STAG2: variants seen among roughly 807,000 people sequenced by gnomAD.
STAG2 encodes the protein STAG2 cohesin complex component, also known as cohesin subunit SA-2.
A neutral mutation model predicts 108.1 loss-of-function variants in STAG2; 14 were observed. The observed-to-expected ratio is 0.13, with a 90% CI of 0.09 to 0.20. The LOEUF (loss-of-function observed/expected upper bound fraction) is 0.20. STAG2 is among the 10% of genes least tolerant of loss of function. The probability of loss-of-function intolerance (pLI) is 1.00; values close to 1 mark genes in which losing one functional copy is unlikely to be tolerated. For synonymous variants in STAG2, 307 were observed against 302.7 expected (o/e 1.01, Z -0.15); for missense variants, 440 against 940.9 (o/e 0.47, Z 6.96).
intron 5 of STAG2, among the ~76,000 whole-genome samples, chrX:124,032,737 C>G (rs753676926): frequency 1.3e-4 from 15 of 112,194 alleles, no homozygotes; most frequent in Non-Finnish European, 2.3e-4. Flanking sequence ...GCCTCCAACT[C>G]TACCCATGTT....
intron 1 of STAG2, among the ~76,000 whole-genome samples, chrX:123,984,284 A>G (rs1569493293): frequency 9.0e-6 from 1 of 111,338 alleles, no homozygotes; most frequent in Non-Finnish European, 1.9e-5. Context: ...GGCCAAAAGA[A>G]TAATTTTCAA....
chrX:123,978,807 A>G (rs1439592306), intron 1 of STAG2, among the ~76,000 whole-genome samples: 2 of 111,877 alleles, frequency 1.8e-5, no homozygotes, highest in Non-Finnish European at 3.8e-5. Context: ...TCCCAAATCC[A>G]AACAATATTA....
intron 20 of STAG2, among the ~76,000 whole-genome samples, chrX:124,065,595 A>G (rs1189638338): frequency 9.0e-6 from 1 of 111,663 alleles, no homozygotes; most frequent in East Asian, 2.8e-4. Flanking sequence ...ATTACTGTGA[A>G]AAAATAGATG....
At chrX:124,074,075 C>CT (rs1047104801) in intron 25 of STAG2, among the ~76,000 whole-genome samples, 3 of 111,566 alleles carry the variant, frequency 2.7e-5, no homozygotes, top group Non-Finnish European at 5.7e-5. Flanking sequence ...TGCAATTTAC[C>CT]TTTTTTCTTC....
intron 1 of STAG2, among the ~76,000 whole-genome samples, chrX:124,001,864 T>A (rs757683217): frequency 9.0e-6 from 1 of 111,641 alleles, no homozygotes; most frequent in African/African-American, 3.3e-5. Context: ...TGACTATATA[T>A]TGAGGTATAA....
intron 1 of STAG2, among the ~76,000 whole-genome samples, chrX:123,999,080 C>T (rs1025241005): frequency 7.2e-5 from 8 of 111,800 alleles, no homozygotes; most frequent in African/African-American, 2.6e-4. Context: ...GCCTGGGTGA[C>T]AGTGAGACTC....
chrX:124,000,866 C>T (rs1216691638), intron 1 of STAG2, among the ~76,000 whole-genome samples: 1 of 110,376 alleles, frequency 9.1e-6, no homozygotes, highest in Non-Finnish European at 1.9e-5. Context: ...TAGGCCTAGG[C>T]TAATGTATAT....
Position 123,979,600 on chromosome X carries a change from G to A in STAG2, c.-163+17744G>A, listed in dbSNP as rs184358246. Among the ~76,000 whole-genome samples, 5 of 111,616 alleles carry A rather than the reference G, an allele frequency of 4.5e-5. No homozygotes were observed. In the East Asian group the frequency reaches 1.4e-3, roughly 31 times the overall value. The stretch of plus-strand genomic sequence containing the variant: ...TGTTTTGGGTGGGGGTTGGGAGGCA[G>A]TTGAGTCTCCTGTAGTTTTTAGAGG... On this transcript the variant is annotated intron_variant, in intron 1 of 34. Coordinates refer to ENST00000371145, the MANE Select transcript of STAG2 (RefSeq NM_001042750.2).
chrX:124,072,404 T>C (rs2058685150), intron 25 of STAG2, among the ~76,000 whole-genome samples: 1 of 111,918 alleles, frequency 8.9e-6, no homozygotes, highest in South Asian at 3.7e-4. Flanking sequence ...ATAGAGAGCT[T>C]TGTGCTCATG....
chrX:124,063,726 G>C, intron 19 of STAG2, 122 bp from the exon 20 acceptor site: 1 of 496,796 alleles, frequency 2.0e-6, no homozygotes, highest in Non-Finnish European at 3.4e-6. Context: ...ACCTTAAAAT[G>C]TACGCTCTGT....
intron 1 of STAG2, among the ~76,000 whole-genome samples, chrX:124,015,465 A>G (rs2056686938): frequency 9.6e-6 from 1 of 104,440 alleles, no homozygotes; most frequent in African/African-American, 3.5e-5. Context: ...GCTCACTGCA[A>G]CCTCTGTCCC....
intron 4 of STAG2, among the ~76,000 whole-genome samples, chrX:124,029,563 G>A (rs1166532305): frequency 8.9e-6 from 1 of 112,242 alleles, no homozygotes; most frequent in Admixed American, 9.4e-5. Flanking sequence ...CGCCCACCTC[G>A]GCCTCCCAAA....
At chrX:123,973,472 G>A (rs1490993002) in intron 1 of STAG2, among the ~76,000 whole-genome samples, 1 of 103,985 alleles carries the variant, frequency 9.6e-6, no homozygotes, top group East Asian at 3.0e-4. Flanking sequence ...AACCCGGGAG[G>A]CTGAGATTGC....
At chrX:124,040,701 G>T (rs2057683182) in intron 6 of STAG2, among the ~76,000 whole-genome samples, 1 of 109,114 alleles carries the variant, frequency 9.2e-6, no homozygotes, top group Admixed American at 9.9e-5. Context: ...AAATGTTCAG[G>T]TCATTAGTTA....
intron 13 of STAG2, among the ~76,000 whole-genome samples, chrX:124,055,498 T>G (rs1277165743): frequency 8.9e-6 from 1 of 112,879 alleles, no homozygotes; most frequent in African/African-American, 3.2e-5. Flanking sequence ...GCCTTAATGA[T>G]GATGATTTAT....
At chrX:124,081,311 G>T in intron 27 of STAG2, 69 bp from the exon 28 acceptor site, 1 of 749,895 alleles carries the variant, frequency 1.3e-6, no homozygotes, top group Non-Finnish European at 1.9e-6. Flanking sequence ...AAATGAAAAT[G>T]TAATATTTTA....
intron 1 of STAG2, among the ~76,000 whole-genome samples, chrX:123,987,867 A>G (rs1602700350): frequency 8.9e-6 from 1 of 111,823 alleles, no homozygotes; most frequent in East Asian, 2.8e-4. Context: ...AATCTCATAA[A>G]ACTATTAGAA....
chrX:124,079,933 C>CT (rs200425943), intron 27 of STAG2, among the ~76,000 whole-genome samples: 1,196 of 98,939 alleles, frequency 0.012, 14 homozygotes, highest in African/African-American at 0.039. Context: ...TCCTCAGCAT[C>CT]TTTTTTTTTT....
chrX:124,062,851 T>C, intron 17 of STAG2, 51 bp from the exon 18 acceptor site: 1 of 998,477 alleles, frequency 1.0e-6, no homozygotes. Flanking sequence ...ACTTGAACAC[T>C]TAACAGTGCT....
Sources: allele counts gnomAD v4.1 joint callset (sites outside exome capture counted in the v4.1 genomes callset), GRCh38; gene constraint gnomAD v4.1.1; transcripts MANE v1.5; gene names NCBI Gene and HGNC (gene_info 2026-07-23, HGNC 2026-07-21).